Variants in RGSL1 observed in about 807,000 individuals in gnomAD.
RGSL1 encodes the protein regulator of G protein signaling like 1, also known as regulator of G protein signaling protein-like.
A neutral mutation model predicts 124.7 loss-of-function variants in RGSL1; 97 were observed. The ratio of observed to expected loss-of-function variants is 0.78; its 90% CI spans 0.66 to 0.92. The LOEUF (loss-of-function observed/expected upper bound fraction) is 0.92, where lower values mean the gene tolerates loss of function less well. RGSL1 is among the 40% of genes least tolerant of loss of function. The probability of loss-of-function intolerance (pLI) is 0.00; values close to 1 mark genes in which losing one functional copy is unlikely to be tolerated. For synonymous variants in RGSL1, 424 were observed against 438.1 expected (o/e 0.97, Z 0.40); for missense variants, 1,233 against 1,288.4 (o/e 0.96, Z 0.66).
rs1236079051 is a variant in RGSL1, at chr1:182,551,218, C to T, written c.3043+9C>T. 1.3e-6 allele frequency: 2 copies of T among 1,532,458 alleles called. No homozygotes were observed. The highest frequency in any genetic ancestry group is 1.2e-5 in the South Asian group (1 of 83,716). 94.9% of individuals were successfully genotyped at this position (1,532,458 alleles called of 1,614,324 possible). A position where few individuals can be genotyped will look rare whatever the true frequency, so the allele number is the denominator to read the frequency against. The stretch of plus-strand genomic sequence containing the variant: ...TCCTTTCTCGAGTGGAGGTAAGCTC[C>T]ACCACGACTCACAGCCCCATTCTCC... On this transcript the variant is annotated intron_variant, in intron 18 of 21. Transcript: ENST00000294854.
intron 6 of RGSL1, among the ~76,000 whole-genome samples, chr1:182,487,769 A>G (rs754992008): frequency 2.0e-5 from 3 of 152,228 alleles, no homozygotes; most frequent in Non-Finnish European, 2.9e-5. Context: ...AGCATTTGTC[A>G]AATGAATGAA....
At chr1:182,455,979 C>G (rs947882559) in intron 2 of RGSL1, among the ~76,000 whole-genome samples, 3 of 151,870 alleles carry the variant, frequency 2.0e-5, no homozygotes, top group Non-Finnish European at 4.4e-5. Flanking sequence ...GAAGGGAAAG[C>G]GGTTAGGAGG....
Position 182,548,260 on chromosome 1 carries a change from G to A in RGSL1, c.2670-57G>A, listed in dbSNP as rs760359405. 1.9e-6 allele frequency: 3 copies of A among 1,541,566 alleles called. No homozygotes were observed. In the Admixed American group the frequency reaches 5.9e-5, roughly 30 times the overall value. On this transcript the variant is annotated intron_variant, in intron 15 of 21. Transcript: ENST00000294854. ...GAAATGAGTCTAGGCTGGGTGCCTTGTTAGTCACTGTTTTCATCTTCTCCT... is the reference window on the plus strand; with the variant it reads ...GAAATGAGTCTAGGCTGGGTGCCTTATTAGTCACTGTTTTCATCTTCTCCT...
chr1:182,494,985 GC>G (rs1184289989), intron 9 of RGSL1, among the ~76,000 whole-genome samples: 1 of 152,228 alleles, frequency 6.6e-6, no homozygotes, highest in Non-Finnish European at 1.5e-5. Context: ...TCACTTATAA[GC>G]CCCGAGGTGG....
intron 9 of RGSL1, among the ~76,000 whole-genome samples, chr1:182,516,741 T>C (rs1657925538): frequency 6.6e-6 from 1 of 152,150 alleles, no homozygotes; most frequent in African/African-American, 2.4e-5. Context: ...TTTTTACACT[T>C]TAACTCCACC....
chr1:182,513,775 A>T (rs541072966), intron 9 of RGSL1, among the ~76,000 whole-genome samples: 1 of 152,258 alleles, frequency 6.6e-6, no homozygotes, highest in East Asian at 1.9e-4. Flanking sequence ...CTGCCTGAAT[A>T]ATAAATTTAT....
intron 15 of RGSL1, 78 bp from the exon 16 acceptor site, chr1:182,548,239 T>G: frequency 1.3e-6 from 2 of 1,487,822 alleles, no homozygotes; most frequent in African/African-American, 1.4e-5. Flanking sequence ...GGGCCAGAAA[T>G]GAGTCTAGGC....
In RGSL1 at chr1:182,530,318, T is replaced by C; in HGVS notation, c.2200T>C (p.Leu734=). 1 of 1,551,084 alleles carries C rather than the reference T, an allele frequency of 6.4e-7. No individual in the cohort carries two copies. The highest frequency in any genetic ancestry group is 8.7e-7 in the Non-Finnish European group (1 of 1,146,564). The change falls in exon 12 of 22, where the codon TTA becomes CTA. Residue 734 remains leucine, a synonymous_variant. Transcript: ENST00000294854. ...SMRHVTTSTL[L]TLQGHVMKSI... ...GCGTCATGTCACCACAAGCACACTG[T>C]TAACGCTCCAGGGACATGTTATGAA... is the stretch of plus-strand genomic sequence containing the variant.
chr1:182,484,691 T>C (rs934224707), intron 6 of RGSL1, among the ~76,000 whole-genome samples: 3 of 152,210 alleles, frequency 2.0e-5, no homozygotes, highest in Admixed American at 6.5e-5. Flanking sequence ...CAGGTGCAGC[T>C]GCAGCTGAGT....
intron 9 of RGSL1, among the ~76,000 whole-genome samples, chr1:182,499,205 G>A (rs186804324): frequency 3.3e-5 from 5 of 152,336 alleles, no homozygotes; most frequent in African/African-American, 1.2e-4. Flanking sequence ...TGGGTCAAGT[G>A]TTGTGTTCAG....
At chr1:182,514,789 G>A (rs1657734315) in intron 9 of RGSL1, among the ~76,000 whole-genome samples, 1 of 152,220 alleles carries the variant, frequency 6.6e-6, no homozygotes, top group African/African-American at 2.4e-5. Flanking sequence ...GTATCGAAAT[G>A]AATGGTTCCT....
At chr1:182,543,640 T>A (rs893326752) in intron 15 of RGSL1, among the ~76,000 whole-genome samples, 3 of 152,088 alleles carry the variant, frequency 2.0e-5, no homozygotes, top group African/African-American at 4.8e-5. Flanking sequence ...TTATTTAAAT[T>A]TTTGGTAGAA....
chr1:182,457,508 C>T (rs1387457150), intron 2 of RGSL1, among the ~76,000 whole-genome samples: 1 of 152,178 alleles, frequency 6.6e-6, no homozygotes, highest in African/African-American at 2.4e-5. Flanking sequence ...CAGCACCTCA[C>T]AGCCAGTGAC....
chr1:182,546,053 T>A (rs1660192337), intron 15 of RGSL1, among the ~76,000 whole-genome samples: 1 of 152,208 alleles, frequency 6.6e-6, no homozygotes, highest in Admixed American at 6.5e-5. Flanking sequence ...AATTTTTAGA[T>A]TTGCTCTTTT....
At chr1:182,458,277 G>A (rs1207608307) in intron 2 of RGSL1, 42 bp from the exon 3 acceptor site, 2 of 1,450,998 alleles carry the variant, frequency 1.4e-6, no homozygotes, top group Non-Finnish European at 1.9e-6. Context: ...TACATGAAGA[G>A]AAGCTCTACT....
intron 9 of RGSL1, among the ~76,000 whole-genome samples, chr1:182,503,641 G>A (rs988350563): frequency 6.6e-6 from 1 of 152,028 alleles, no homozygotes; most frequent in African/African-American, 2.4e-5. Flanking sequence ...GTTAAGGATA[G>A]TTAATAGGTA....
chr1:182,509,907 T>C (rs1364964771), intron 9 of RGSL1, among the ~76,000 whole-genome samples: 1 of 139,696 alleles, frequency 7.2e-6, no homozygotes, highest in Non-Finnish European at 1.6e-5. Context: ...GCGGAGAGGC[T>C]CCTCACTTCT....
intron 1 of RGSL1, among the ~76,000 whole-genome samples, 190 bp from the exon 2 acceptor site, chr1:182,453,768 T>C (rs1652043704): frequency 6.6e-6 from 1 of 151,910 alleles, no homozygotes. Flanking sequence ...CAGCTGGGAG[T>C]GTTTAAGCAG....
intron 9 of RGSL1, among the ~76,000 whole-genome samples, chr1:182,521,309 G>T (rs1658319447): frequency 6.6e-6 from 1 of 152,180 alleles, no homozygotes; most frequent in South Asian, 2.1e-4. Context: ...AGCCTCAAGT[G>T]ATCCTCCCAC....
Sources: gnomAD v4.1 joint callset for allele counts (sites outside exome capture counted in the v4.1 genomes callset) on GRCh38, gnomAD v4.1.1 for gene constraint, MANE v1.5 for transcripts, NCBI Gene and HGNC (gene_info 2026-07-23, HGNC 2026-07-21) for gene names.